The following NUP205 variants were observed in gnomAD, a reference collection of about 807,000 sequenced individuals.
NUP205 encodes nucleoporin 205.
In NUP205, 76 loss-of-function variants were observed where a neutral mutation model predicts 253.8. The observed-to-expected ratio is 0.30, with a 90% CI of 0.25 to 0.36. The LOEUF is 0.36. NUP205 is among the 10% of genes least tolerant of loss of function. NUP205 has a pLI of 1.00. For missense variants in NUP205, 2,162 were observed against 2,425.5 expected (o/e 0.89, Z 2.28); for synonymous variants, 832 against 850.1 (o/e 0.98, Z 0.37).
intron 6 of NUP205, among the ~76,000 whole-genome samples, 179 bp from the exon 7 acceptor site, chr7:135,578,572 T>C (rs777979293): frequency 2.0e-5 from 3 of 152,222 alleles, no homozygotes; most frequent in Non-Finnish European, 4.4e-5. Context: ...TCTTTTTTTG[T>C]TTTTAGTATG....
At chr7:135,582,753 C>T (rs1264762507) in intron 7 of NUP205, among the ~76,000 whole-genome samples, 1 of 151,658 alleles carries the variant, frequency 6.6e-6, no homozygotes, top group East Asian at 1.9e-4. Context: ...AGCCACCACA[C>T]CTGGCTGATA....
chr7:135,645,498 G>T lies in NUP205; in HGVS notation c.5714G>T (p.Trp1905Leu). The T allele has an allele frequency of 6.2e-7, 1 of 1,613,846 alleles. No individual in the cohort carries two copies. Among genetic ancestry groups the T allele is most frequent in the Non-Finnish European group, 8.5e-7 (1 of 1,179,806 alleles). The change falls in exon 41 of 43, where the codon TGG becomes TTG. Residue 1905 changes from tryptophan (W) to leucine (L), a missense_variant. Transcript: ENST00000285968. ...ATAGAGACCTGCCTATTTATTCTTT[G>T]GCGCCATCTGGAGTACTACTTGTTA... ...FIIETCLFILWRHLEYYLLHC... is the reference protein window; with the variant it reads ...FIIETCLFILLRHLEYYLLHC...
At chr7:135,637,755 C>T (rs181091861) in intron 36 of NUP205, among the ~76,000 whole-genome samples, 176 bp from the exon 37 acceptor site, 33 of 152,142 alleles carry the variant, frequency 2.2e-4, no homozygotes, top group East Asian at 1.9e-3. Context: ...AATCAAATAC[C>T]TTTGCAAAAA....
chr7:135,565,224 A>G (rs1805718095), intron 1 of NUP205, among the ~76,000 whole-genome samples: 1 of 152,204 alleles, frequency 6.6e-6, no homozygotes, highest in Admixed American at 6.5e-5. Flanking sequence ...AATATTTAAA[A>G]TGAGGGAGAG....
chr7:135,638,473 C>T, intron 37 of NUP205, 84 bp from the exon 38 acceptor site: 13 of 1,211,844 alleles, frequency 1.1e-5, no homozygotes, highest in Non-Finnish European at 1.5e-5. Flanking sequence ...TGATTGATAA[C>T]CTTTTCTTCT....
intron 1 of NUP205, among the ~76,000 whole-genome samples, chr7:135,564,460 A>G (rs1051039494): frequency 3.3e-5 from 5 of 151,696 alleles, no homozygotes; most frequent in African/African-American, 7.3e-5. Context: ...CATGTTGGCC[A>G]TGCTGGTCTT....
chr7:135,612,478 G>A (rs73725191), intron 22 of NUP205, among the ~76,000 whole-genome samples: 5,198 of 152,248 alleles, frequency 0.034, 119 homozygotes, highest in Middle Eastern at 0.1. Flanking sequence ...TGCACTTAGG[G>A]ACAAGGCAGC....
At chr7:135,584,034 G>C (rs1225073724) in intron 7 of NUP205, among the ~76,000 whole-genome samples, 4 of 151,712 alleles carry the variant, frequency 2.6e-5, no homozygotes, top group Non-Finnish European at 4.4e-5. Context: ...GTAGAGATGA[G>C]GTTTCTCCAT....
chr7:135,560,767 T>C (rs562158160), intron 1 of NUP205, among the ~76,000 whole-genome samples: 3 of 152,256 alleles, frequency 2.0e-5, no homozygotes, highest in Non-Finnish European at 2.9e-5. Context: ...ATGAGGTATC[T>C]GAAGTAGTCA....
At chr7:135,605,303 C>A (rs1794063323) in intron 19 of NUP205, among the ~76,000 whole-genome samples, 1 of 152,186 alleles carries the variant, frequency 6.6e-6, no homozygotes, top group South Asian at 2.1e-4. Flanking sequence ...AGGCCTGAGC[C>A]ACCGTGCCTG....
chr7:135,577,931 G>T lies in NUP205; in HGVS notation c.784G>T (p.Gly262Cys). 1 of 1,614,004 alleles carries T rather than the reference G, an allele frequency of 6.2e-7. No homozygotes were observed. The highest frequency in any genetic ancestry group is 8.5e-7 in the Non-Finnish European group (1 of 1,179,948). The change falls in exon 6 of 43, where the codon GGC becomes TGC. Residue 262 changes from glycine to cysteine, a missense_variant. Gly to Cys is a radical substitution (Grantham distance 159). Transcript: ENST00000285968. ...GGAAAGAGTGACAGTTGAGGCTAAT[G>T]GCTCACTGGATGCAGTGAATCTGGC... Reference protein sequence around the residue: ...HLERVTVEANGSLDAVNLALL... With the variant: ...HLERVTVEANCSLDAVNLALL...
At chr7:135,583,492 A>G (rs148173767) in intron 7 of NUP205, among the ~76,000 whole-genome samples, 5,168 of 152,072 alleles carry the variant, frequency 0.034, 119 homozygotes, top group Middle Eastern at 0.1. Context: ...AGGCGCAGTG[A>G]CTCACGCCTG....
chr7:135,594,118 GA>G (rs1275943978), intron 12 of NUP205, among the ~76,000 whole-genome samples: 4 of 151,698 alleles, frequency 2.6e-5, no homozygotes, highest in Non-Finnish European at 4.4e-5. Flanking sequence ...AACTAAAAAT[GA>G]AAAAAATGTT....
chr7:135,616,704 T>G lies in NUP205; in HGVS notation c.3510T>G (p.Leu1170=). 8.3e-6 allele frequency: 13 copies of G among 1,570,472 alleles called. No homozygotes were observed. The highest frequency in any genetic ancestry group is 1.0e-5 in the Non-Finnish European group (12 of 1,162,330). The change falls in exon 25 of 43, where the codon CTT becomes CTG. Residue 1170 remains leucine, a synonymous_variant. Transcript: ENST00000285968. The part of the protein sequence containing the change: ...EDENRSVSGF[L]HFDTATKVRR... ...AAAACAGGTCTGTTTCTGGGTTCCT[T>G]CACTTTGACACTGCTACAAAAGGTA...
intron 23 of NUP205, among the ~76,000 whole-genome samples, 153 bp from the exon 24 acceptor site, chr7:135,615,763 T>G (rs530529829): frequency 6.6e-6 from 1 of 152,326 alleles, no homozygotes; most frequent in South Asian, 2.1e-4. Flanking sequence ...TTTCCTCTTG[T>G]AATTTTACAG....
chr7:135,595,594 A>G (rs1793814586), intron 13 of NUP205, among the ~76,000 whole-genome samples: 1 of 152,118 alleles, frequency 6.6e-6, no homozygotes, highest in African/African-American at 2.4e-5. Flanking sequence ...CCAGGACCAT[A>G]AACTTAACTT....
intron 34 of NUP205, among the ~76,000 whole-genome samples, chr7:135,628,372 A>G (rs374670883): frequency 6.6e-6 from 1 of 152,114 alleles, no homozygotes; most frequent in Non-Finnish European, 1.5e-5. Flanking sequence ...TTCTTCTATA[A>G]AAGAAAGCAG....
At chr7:135,627,311 T>G (rs1323714092) in intron 33 of NUP205, among the ~76,000 whole-genome samples, 1 of 152,242 alleles carries the variant, frequency 6.6e-6, no homozygotes, top group African/African-American at 2.4e-5. Context: ...TTTTGACTCT[T>G]AAATCTTGTT....
intron 22 of NUP205, among the ~76,000 whole-genome samples, chr7:135,613,071 G>A (rs1794277329): frequency 6.7e-6 from 1 of 149,782 alleles, no homozygotes. Flanking sequence ...GGGTGACAGA[G>A]TGAGACCCTG....
Sources: gnomAD v4.1 joint callset for allele counts (sites outside exome capture counted in the v4.1 genomes callset) on GRCh38, gnomAD v4.1.1 for gene constraint, MANE v1.5 for transcripts, NCBI Gene and HGNC (gene_info 2026-07-23, HGNC 2026-07-21) for gene names.